The following C5orf63 variants were observed in gnomAD, a reference collection of about 807,000 sequenced individuals.
The protein encoded by C5orf63 is glutaredoxin-like protein C5orf63.
A neutral mutation model predicts 13.3 loss-of-function variants in C5orf63; 18 were observed. That is an observed-to-expected ratio of 1.36 (90% confidence interval 0.94 to 2.01). C5orf63 has a LOEUF of 2.01. Among genes scored for constraint, C5orf63 ranks in the 30% most tolerant of loss-of-function variants. The pLI, the probability that C5orf63 is intolerant of heterozygous loss-of-function variation, is 0.00. For synonymous variants in C5orf63, 38 were observed against 44.7 expected (o/e 0.85, Z 0.60); for missense variants, 118 against 127.7 (o/e 0.92, Z 0.36).
intron 2 of C5orf63, among the ~76,000 whole-genome samples, chr5:127,071,141 T>A (rs1416846694): frequency 6.6e-6 from 1 of 152,228 alleles, no homozygotes; most frequent in Admixed American, 6.5e-5. Context: ...TAAAAGTGAT[T>A]AAGATATTGT....
rs1045530950 is a variant in C5orf63, at chr5:127,066,391, G to A, written c.-8+5193C>T. Reference sequence around the variant, plus strand: ...CAAGAGTGGAGCAGGGACGCAGGTAGAAGGCTACTGCATTAGTTTGGATGA... The same window carrying A: ...CAAGAGTGGAGCAGGGACGCAGGTAAAAGGCTACTGCATTAGTTTGGATGA... On this transcript the variant is annotated intron_variant, in intron 2 of 4. Transcript: ENST00000296662. Among the ~76,000 whole-genome samples the A allele has an allele frequency of 3.9e-5, 6 of 152,154 alleles. 1 individual carries two copies. The highest frequency in any genetic ancestry group is 3.9e-4 in the Admixed American group (6 of 15,270).
chr5:127,061,672 T>A (rs927610041), intron 2 of C5orf63, among the ~76,000 whole-genome samples: 2 of 152,148 alleles, frequency 1.3e-5, no homozygotes, highest in Non-Finnish European at 2.9e-5. Flanking sequence ...GTTAGAGACA[T>A]ACCTTCTAAA....
intron 2 of C5orf63, among the ~76,000 whole-genome samples, chr5:127,061,482 C>A (rs191561624): frequency 6.6e-6 from 1 of 152,282 alleles, no homozygotes; most frequent in Admixed American, 6.5e-5. Context: ...CTGATAAATG[C>A]ATAAAAAAGG....
intron 2 of C5orf63, among the ~76,000 whole-genome samples, chr5:127,061,225 A>G (rs530205214): frequency 2.0e-5 from 3 of 152,266 alleles, no homozygotes; most frequent in South Asian, 4.2e-4. Context: ...TGCTTCACAG[A>G]GCATTACTAT....
At chr5:127,063,261 A>G (rs926601438) in intron 2 of C5orf63, among the ~76,000 whole-genome samples, 5 of 152,226 alleles carry the variant, frequency 3.3e-5, no homozygotes, top group Admixed American at 2.6e-4. Flanking sequence ...TTGAAGCAAC[A>G]TAAGAAAAAT....
chr5:127,046,190 C>G (rs1008854714), exon 5 of C5orf63: 12 of 152,258 alleles, frequency 7.9e-5, no homozygotes, highest in African/African-American at 2.7e-4. Flanking sequence ...TCTTACCTTT[C>G]CCATCCACCA....
rs144500659 is a variant in C5orf63 at position 127,063,339 on chromosome 5, A to G, written c.-7-4337T>C. 3.1e-3 allele frequency among the ~76,000 whole-genome samples: 471 copies of G among 152,356 alleles called. 7 individuals carry two copies. The highest frequency in any genetic ancestry group is 0.011 in the African/African-American group (451 of 41,582). On this transcript the variant is annotated intron_variant, in intron 2 of 4. Transcript: ENST00000296662. ...ATTAAGGCAACTGATTATAGTACAG[A>G]AAGAAGCCAGGGTCGTTTGAGTCTT... is the stretch of plus-strand genomic sequence containing the variant.
intron 2 of C5orf63, among the ~76,000 whole-genome samples, chr5:127,063,029 A>G (rs983739414): frequency 2.6e-5 from 4 of 152,184 alleles, no homozygotes; most frequent in African/African-American, 4.8e-5. Context: ...AGCAAAAAAC[A>G]TAAGATTGGA....
chr5:127,063,007 TAA>T (rs199741442), intron 2 of C5orf63, among the ~76,000 whole-genome samples: 1 of 118,032 alleles, frequency 8.5e-6, no homozygotes. Context: ...GTCACAGACT[TAA>T]AAAAAAAAAA....
chr5:127,053,425 G>C (rs1234797951), intron 3 of C5orf63, among the ~76,000 whole-genome samples: 4 of 150,986 alleles, frequency 2.6e-5, no homozygotes, highest in Non-Finnish European at 5.9e-5. Context: ...TATTATATAT[G>C]TTATATATAT....
In C5orf63 at chr5:127,051,957, A is replaced by G. The variant is rs1484515267; in HGVS notation, c.172-10T>C. On this transcript the variant is annotated splice_polypyrimidine_tract_variant and intron_variant, in intron 4 of 4. Transcript: ENST00000296662. Reference sequence around the variant, plus strand: ...CCTCCTGTAAAATGAACTGAAACAGAGACAGACTAAAGCTCTGTATTTTAG... The same window carrying G: ...CCTCCTGTAAAATGAACTGAAACAGGGACAGACTAAAGCTCTGTATTTTAG... The G allele has an allele frequency of 1.3e-6, 2 of 1,489,684 alleles. No homozygotes were observed. The highest frequency in any genetic ancestry group is 4.5e-5 in the Admixed American group (2 of 44,910). 92.3% of individuals were successfully genotyped at this position (1,489,684 alleles called of 1,614,324 possible).
intron 2 of C5orf63, among the ~76,000 whole-genome samples, chr5:127,065,977 A>C (rs771947298): frequency 2.0e-5 from 3 of 152,176 alleles, no homozygotes; most frequent in Non-Finnish European, 4.4e-5. Flanking sequence ...TGAGATGGTG[A>C]TACATACAGG....
chr5:127,073,326 A>T (rs1345539575), intron 1 of C5orf63, 125 bp downstream of exon 1: 2 of 152,232 alleles, frequency 1.3e-5, no homozygotes, highest in Non-Finnish European at 2.9e-5. Flanking sequence ...GGTTTAATTA[A>T]ATTCCGTATA....
intron 3 of C5orf63, among the ~76,000 whole-genome samples, chr5:127,055,675 T>C (rs1182161057): frequency 6.6e-6 from 1 of 152,112 alleles, no homozygotes; most frequent in Non-Finnish European, 1.5e-5. Context: ...TGTTTTAAGA[T>C]AAACATCCTA....
At position 127,052,805 on chromosome 5, in the gene C5orf63, C is replaced by T. The variant is rs1186076799; in HGVS notation, c.115-136G>A. 4 of 528,770 alleles carry T rather than the reference C, an allele frequency of 7.6e-6. No homozygotes were observed. In the East Asian group the frequency reaches 1.3e-4, roughly 18 times the overall value. 32.8% of individuals were successfully genotyped at this position (528,770 alleles called of 1,614,324 possible). On this transcript the variant is annotated intron_variant, in intron 3 of 4. Coordinates refer to ENST00000296662, the MANE Select transcript of C5orf63 (RefSeq NM_001164478.2). ...GAATAGTTTTCTACCATGTTAGTTACACTGCTTTTCCAAAGTAAAACACTA... is the reference window on the plus strand; with the variant it reads ...GAATAGTTTTCTACCATGTTAGTTATACTGCTTTTCCAAAGTAAAACACTA...
chr5:127,073,168 C>T (rs1053434129), intron 1 of C5orf63: 1 of 151,372 alleles, frequency 6.6e-6, no homozygotes, highest in African/African-American at 2.4e-5. Context: ...ATGTTTTCTG[C>T]TTTCTCGAGA....
chr5:127,057,890 C>G (rs1411009889), intron 3 of C5orf63, among the ~76,000 whole-genome samples: 1 of 152,078 alleles, frequency 6.6e-6, no homozygotes, highest in South Asian at 2.1e-4. Flanking sequence ...GGCTAGTGTT[C>G]CTAAGCACAA....
At chr5:127,067,202 A>C (rs1375702723) in intron 2 of C5orf63, among the ~76,000 whole-genome samples, 1 of 152,210 alleles carries the variant, frequency 6.6e-6, no homozygotes, top group African/African-American at 2.4e-5. Flanking sequence ...TATCTTAAAA[A>C]GAGATGATGA....
intron 3 of C5orf63, among the ~76,000 whole-genome samples, chr5:127,054,913 A>G (rs964727610): frequency 6.6e-6 from 1 of 152,180 alleles, no homozygotes; most frequent in Admixed American, 6.5e-5. Context: ...TAATTTTTGT[A>G]TAAGGTGTAA....
Sources: allele counts gnomAD v4.1 joint callset (sites outside exome capture counted in the v4.1 genomes callset), GRCh38; gene constraint gnomAD v4.1.1; transcripts MANE v1.5; gene names NCBI Gene and HGNC (gene_info 2026-07-23, HGNC 2026-07-21).